MAML3: variants seen among roughly 807,000 people sequenced by gnomAD.
MAML3 encodes the protein mastermind-like protein 3.
In MAML3, 27 loss-of-function variants were observed where a neutral mutation model predicts 101.9. The ratio of observed to expected loss-of-function variants is 0.27; its 90% CI spans 0.20 to 0.37. MAML3 has a LOEUF of 0.37. MAML3 is among the 10% of genes least tolerant of loss of function. The probability of loss-of-function intolerance (pLI) is 1.00; values close to 1 mark genes in which losing one functional copy is unlikely to be tolerated. For missense variants in MAML3, 1,316 were observed against 1,444.9 expected (o/e 0.91, Z 1.45); for synonymous variants, 501 against 555.9 (o/e 0.90, Z 1.39).
rs751681725 is a variant in MAML3, at chr4:139,719,826, G to A, written c.2914C>T (p.Pro972Ser). Reference sequence around the variant, plus strand: ...CCCAATTCTCCACTAGTCCTCCCAGGCATGCCCTGCAAGCTCCTCTGTTGC... The same window carrying A: ...CCCAATTCTCCACTAGTCCTCCCAGACATGCCCTGCAAGCTCCTCTGTTGC... ...SWQQRSLQGMPGRTSGELGPF... is the reference protein window; with the variant it reads ...SWQQRSLQGMSGRTSGELGPF... The change falls in exon 5 of 5, where the codon CCT becomes TCT. Residue 972 changes from proline to serine, a missense_variant. Transcript: ENST00000509479. The A allele has an allele frequency of 6.2e-7, 1 of 1,613,358 alleles. No individual in the cohort carries two copies. The highest frequency in any genetic ancestry group is 1.3e-5 in the African/African-American group (1 of 74,952).
At chr4:140,003,134 G>T (rs556507785) in intron 1 of MAML3, among the ~76,000 whole-genome samples, 1 of 152,202 alleles carries the variant, frequency 6.6e-6, no homozygotes, top group East Asian at 1.9e-4. Context: ...GAGCTGGAAG[G>T]AACTTGGCAT....
rs113951878 is a variant in MAML3 at position 139,957,083 on chromosome 4, A to G, written c.469-66116T>C. Among the ~76,000 whole-genome samples the G allele has an allele frequency of 9.3e-3, 1,418 of 152,350 alleles. 20 individuals are homozygous for G. The highest frequency in any genetic ancestry group is 0.032 in the African/African-American group (1,319 of 41,572). On this transcript the variant is annotated intron_variant, in intron 1 of 4. Coordinates refer to ENST00000509479, the MANE Select transcript of MAML3 (RefSeq NM_018717.5). ...ACGTCACACAGCTGGAATATGGCAG[A>G]AACAGGAGTTAGGCCCAGTCTACTT...
intron 2 of MAML3, among the ~76,000 whole-genome samples, chr4:139,817,160 C>T (rs1157755030): frequency 6.6e-6 from 1 of 152,140 alleles, no homozygotes; most frequent in Non-Finnish European, 1.5e-5. Context: ...TCCTATCTAC[C>T]AGTCTTCCTC....
intron 1 of MAML3, among the ~76,000 whole-genome samples, chr4:139,893,014 G>A (rs1470591502): frequency 6.7e-6 from 1 of 148,944 alleles, no homozygotes; most frequent in Non-Finnish European, 1.5e-5. Flanking sequence ...TCACCTTTTT[G>A]CCTCTCTATT....
At chr4:139,847,698 G>C (rs906009708) in intron 2 of MAML3, among the ~76,000 whole-genome samples, 4 of 152,182 alleles carry the variant, frequency 2.6e-5, no homozygotes, top group African/African-American at 9.7e-5. Flanking sequence ...CCAAATTCAT[G>C]GTAATGGAAG....
intron 1 of MAML3, among the ~76,000 whole-genome samples, chr4:139,907,270 T>C (rs1329088152): frequency 6.6e-6 from 1 of 152,234 alleles, no homozygotes; most frequent in Non-Finnish European, 1.5e-5. Context: ...GACCTCTGTT[T>C]CCTCAATTAT....
At chr4:140,064,776 C>A (rs978649771) in intron 1 of MAML3, among the ~76,000 whole-genome samples, 25 of 152,324 alleles carry the variant, frequency 1.6e-4, no homozygotes, top group African/African-American at 6.0e-4. Context: ...CACCACTTCT[C>A]TCTCCTGACC....
intron 1 of MAML3, among the ~76,000 whole-genome samples, chr4:140,032,108 C>T (rs1316179939): frequency 6.6e-6 from 1 of 152,196 alleles, no homozygotes; most frequent in Non-Finnish European, 1.5e-5. Context: ...GTGCACATTT[C>T]ATTTTCCCAC....
intron 3 of MAML3, among the ~76,000 whole-genome samples, chr4:139,728,628 G>A (rs1337475927): frequency 2.0e-5 from 3 of 152,200 alleles, no homozygotes; most frequent in Admixed American, 1.3e-4. Context: ...GGTACACACA[G>A]TTGCTACGGA....
rs547780606 is a variant in MAML3 at position 139,725,632 on chromosome 4, A to T, written c.2416+119T>A. ...TAGTACTCTTAACCTACCAGTAGTT[A>T]CATATTTTGAGTATTTCCTGGACAC... On this transcript the variant is annotated intron_variant, in intron 4 of 4. Coordinates refer to ENST00000509479, the MANE Select transcript of MAML3 (RefSeq NM_018717.5). The T allele has an allele frequency of 4.2e-6, 4 of 958,162 alleles. No homozygotes were observed. In the African/African-American group the frequency reaches 6.5e-5, roughly 16 times the overall value. 59.4% of individuals were successfully genotyped at this position (958,162 alleles called of 1,614,324 possible). A position where few individuals can be genotyped will look rare whatever the true frequency, so the allele number is the denominator to read the frequency against.
At chr4:139,811,847 A>G (rs549917698) in intron 2 of MAML3, among the ~76,000 whole-genome samples, 8 of 152,250 alleles carry the variant, frequency 5.3e-5, no homozygotes, top group Admixed American at 1.3e-4. Context: ...AAGTGTTAAC[A>G]TAATTTTGGG....
chr4:139,757,592 A>T (rs2111049428), intron 2 of MAML3, among the ~76,000 whole-genome samples: 1 of 148,716 alleles, frequency 6.7e-6, no homozygotes, highest in African/African-American at 2.5e-5. Flanking sequence ...GCAGTGAGTC[A>T]AGATTGCACC....
chr4:140,148,122 G>C (rs1729096325), intron 1 of MAML3, among the ~76,000 whole-genome samples: 1 of 152,072 alleles, frequency 6.6e-6, no homozygotes, highest in Admixed American at 6.6e-5. Flanking sequence ...CTATGTACAG[G>C]ACTGCCCATT....
At chr4:139,806,723 A>C (rs895432007) in intron 2 of MAML3, among the ~76,000 whole-genome samples, 5 of 152,234 alleles carry the variant, frequency 3.3e-5, no homozygotes, top group African/African-American at 1.2e-4. Flanking sequence ...AATTTTAAAT[A>C]ATTTATGGGA....
At chr4:140,082,017 A>G (rs952961560) in intron 1 of MAML3, among the ~76,000 whole-genome samples, 8 of 152,340 alleles carry the variant, frequency 5.3e-5, no homozygotes, top group African/African-American at 1.7e-4. Flanking sequence ...CAATGACACA[A>G]AAACAGGGCC....
At chr4:139,829,391 G>C (rs1361939864) in intron 2 of MAML3, among the ~76,000 whole-genome samples, 1 of 152,198 alleles carries the variant, frequency 6.6e-6, no homozygotes, top group Non-Finnish European at 1.5e-5. Flanking sequence ...TCCAAGTAGA[G>C]AAATAACTGG....
At chr4:140,071,788 A>AGAGAGAGAGAGAGAGAGAGAGAGAG (rs1560884538) in intron 1 of MAML3, among the ~76,000 whole-genome samples, 5 of 149,570 alleles carry the variant, frequency 3.3e-5, no homozygotes, top group Non-Finnish European at 5.9e-5. Flanking sequence ...AGAGAGAGAG[A>AGAGAGAGAGAGAGAGAGAGAGAGAG]AGGCACGCAT....
intron 2 of MAML3, among the ~76,000 whole-genome samples, chr4:139,799,770 C>G (rs1326504345): frequency 1.3e-5 from 2 of 152,196 alleles, no homozygotes; most frequent in Non-Finnish European, 2.9e-5. Flanking sequence ...CCAATTCCCT[C>G]TGACATCAAG....
At chr4:139,817,044 G>C (rs1441314074) in intron 2 of MAML3, among the ~76,000 whole-genome samples, 1 of 152,050 alleles carries the variant, frequency 6.6e-6, no homozygotes, top group Non-Finnish European at 1.5e-5. Context: ...TAGGTGCTAG[G>C]CGACCCTTCT....
Sources: gnomAD v4.1 joint callset for allele counts (sites outside exome capture counted in the v4.1 genomes callset) on GRCh38, gnomAD v4.1.1 for gene constraint, MANE v1.5 for transcripts, NCBI Gene and HGNC (gene_info 2026-07-23, HGNC 2026-07-21) for gene names.